The following BAAT variants were observed in gnomAD, a reference collection of about 807,000 sequenced individuals.
The protein encoded by BAAT is bile acid CoA: amino acid N-acyltransferase (glycine N-choloyltransferase).
In BAAT, 13 loss-of-function variants were observed where a neutral mutation model predicts 18.9. The observed-to-expected ratio is 0.69, with a 90% CI of 0.45 to 1.10. The LOEUF (loss-of-function observed/expected upper bound fraction) is 1.10, where lower values mean the gene tolerates loss of function less well. BAAT is among the 50% of genes least tolerant of loss of function. The pLI is 0.00. For missense variants in BAAT, 489 were observed against 504.0 expected, an observed-to-expected ratio of 0.97 and a Z score of 0.28; for synonymous variants, 170 against 190.7, an observed-to-expected ratio of 0.89 and a Z score of 0.89.
At chr9:101,383,827 C>G (rs1191561913) in intron 1 of BAAT, among the ~76,000 whole-genome samples, 1 of 152,132 alleles carries the variant, frequency 6.6e-6, no homozygotes, top group Non-Finnish European at 1.5e-5. Flanking sequence ...ATAAAATACT[C>G]AAGGTAACTT....
At chr9:101,371,985 T>C (rs1829955639) in intron 1 of BAAT, among the ~76,000 whole-genome samples, 1 of 151,822 alleles carries the variant, frequency 6.6e-6, no homozygotes, top group Non-Finnish European at 1.5e-5. Context: ...CATGAAAAAA[T>C]GAAACCATGT....
At position 101,375,347 on chromosome 9, in the gene BAAT, A is replaced by G. The variant is rs191025612; in HGVS notation, c.-59-3884T>C. Reference sequence around the variant, plus strand: ...TTATTAGCAGTGTGTGAACAGACTAATACAGTTACAAAGCAGCTTCCTCCT... The same window carrying G: ...TTATTAGCAGTGTGTGAACAGACTAGTACAGTTACAAAGCAGCTTCCTCCT... On this transcript the variant is annotated intron_variant, in intron 1 of 3. Coordinates refer to ENST00000259407, the MANE Select transcript of BAAT (RefSeq NM_001701.4). The G allele has an allele frequency of 3.3e-5, 6 of 181,552 alleles. No homozygotes were observed. In the Admixed American group the frequency reaches 3.5e-4, roughly 11 times the overall value. The allele number at this position is 181,552 out of a possible 1,614,324, so 11.2% of individuals were successfully genotyped here.
chr9:101,374,164 A>G (rs1207614322), intron 1 of BAAT, among the ~76,000 whole-genome samples: 1 of 152,184 alleles, frequency 6.6e-6, no homozygotes, highest in African/African-American at 2.4e-5. Context: ...TCAAGACTAC[A>G]CTAAATCCAA....
chr9:101,370,468 C>A (rs1310586153), intron 2 of BAAT, among the ~76,000 whole-genome samples: 2 of 151,782 alleles, frequency 1.3e-5, no homozygotes, highest in African/African-American at 4.8e-5. Flanking sequence ...GTGCCTGCTA[C>A]CACACCCAGC....
intron 1 of BAAT, among the ~76,000 whole-genome samples, chr9:101,382,822 A>C (rs1422758921): frequency 6.6e-6 from 1 of 152,220 alleles, no homozygotes; most frequent in Non-Finnish European, 1.5e-5. Context: ...CAGCGTGCCC[A>C]AACAGAAATA....
chr9:101,369,545 T>C (rs1829891966), intron 2 of BAAT, among the ~76,000 whole-genome samples: 2 of 152,112 alleles, frequency 1.3e-5, no homozygotes, highest in Admixed American at 6.6e-5. Flanking sequence ...ACATGCAGTG[T>C]TCAAGAGGAT....
At chr9:101,383,767 GA>G (rs1830164433) in intron 1 of BAAT, among the ~76,000 whole-genome samples, 1 of 152,056 alleles carries the variant, frequency 6.6e-6, no homozygotes, top group African/African-American at 2.4e-5. Context: ...TTTCTTTATA[GA>G]AGTTGTTTGA....
At chr9:101,371,498 A>C in intron 1 of BAAT, 35 bp from the exon 2 acceptor site, 2 of 1,242,322 alleles carry the variant, frequency 1.6e-6, no homozygotes. Context: ...AGTAAAATAA[A>C]GTAGAGATAA....
intron 3 of BAAT, 35 bp from the exon 4 acceptor site, chr9:101,363,050 G>C: frequency 1.3e-6 from 2 of 1,584,290 alleles, no homozygotes; most frequent in East Asian, 2.2e-5. Context: ...AATTATTCTA[G>C]CCTTCATTTA....
chr9:101,379,547 A>G (rs1471826270), intron 1 of BAAT, among the ~76,000 whole-genome samples: 4 of 152,222 alleles, frequency 2.6e-5, no homozygotes, highest in Non-Finnish European at 5.9e-5. Context: ...AATGAGACTA[A>G]AATTCATTTT....
At position 101,362,048 on chromosome 9, in the gene BAAT, T is replaced by C. The variant is rs1457351933; in HGVS notation, c.*380A>G. On this transcript the variant is annotated 3_prime_UTR_variant, in exon 4 of 4. Coordinates refer to ENST00000259407, the MANE Select transcript of BAAT (RefSeq NM_001701.4). ...TTAATTTTCTCCTGCTGCTCTAATC[T>C]GATAAATTCTTACTATATAGTGTTT... 4.3e-6 allele frequency: 1 copy of C among 231,436 alleles called. No homozygotes were observed. Among genetic ancestry groups the C allele is most frequent in the Admixed American group, 5.1e-5 (1 of 19,544 alleles). 14.3% of individuals were successfully genotyped at this position (231,436 alleles called of 1,614,324 possible).
In BAAT at chr9:101,362,420, T is replaced by C; in HGVS notation, c.*8A>G. 1.9e-6 allele frequency: 3 copies of C among 1,612,068 alleles called. No homozygotes were observed. The highest frequency in any genetic ancestry group is 2.2e-5 in the South Asian group (2 of 91,028). ...TGCTTCTTTATTTTCTAGGAATATC[T>C]AGTCTTCTTAGAGTTGACTGGTCAC... On this transcript the variant is annotated 3_prime_UTR_variant, in exon 4 of 4. Coordinates refer to ENST00000259407, the MANE Select transcript of BAAT (RefSeq NM_001701.4).
chr9:101,367,375 T>A (rs1181657868), intron 3 of BAAT, among the ~76,000 whole-genome samples: 1 of 152,168 alleles, frequency 6.6e-6, no homozygotes, highest in African/African-American at 2.4e-5. Flanking sequence ...AGTTAATAAT[T>A]AGAGCTATAA....
At chr9:101,363,170 T>C (rs1231594947) in intron 3 of BAAT, among the ~76,000 whole-genome samples, 155 bp from the exon 4 acceptor site, 2 of 152,190 alleles carry the variant, frequency 1.3e-5, no homozygotes, top group East Asian at 1.9e-4. Flanking sequence ...ATATATAATA[T>C]GTATTCAAAA....
chr9:101,368,844 C>T (rs1829877877), intron 2 of BAAT, among the ~76,000 whole-genome samples: 1 of 152,102 alleles, frequency 6.6e-6, no homozygotes, highest in African/African-American at 2.4e-5. Context: ...ATGAGAGGTT[C>T]CACAGATTTA....
chr9:101,368,086 A>G (rs1829863059), intron 3 of BAAT, 34 bp downstream of exon 3: 1 of 1,587,292 alleles, frequency 6.3e-7, no homozygotes, highest in South Asian at 1.1e-5. Flanking sequence ...AAAAAACCCC[A>G]GGGACTCAAA....
intron 1 of BAAT, among the ~76,000 whole-genome samples, chr9:101,371,845 T>C (rs1043855053): frequency 5.3e-5 from 8 of 152,088 alleles, no homozygotes; most frequent in Non-Finnish European, 1.0e-4. Flanking sequence ...CGTTTATATA[T>C]ATATGAGACA....
intron 2 of BAAT, among the ~76,000 whole-genome samples, chr9:101,369,258 A>T (rs2417252): frequency 0.18 from 27,067 of 152,168 alleles, 2,857 homozygotes; most frequent in African/African-American, 0.28. Flanking sequence ...GGGAATTTTT[A>T]AAAATTACTA....
intron 1 of BAAT, among the ~76,000 whole-genome samples, chr9:101,381,534 C>T (rs920854568): frequency 2.6e-5 from 4 of 152,124 alleles, no homozygotes; most frequent in Admixed American, 6.5e-5. Flanking sequence ...GAAATCCTAT[C>T]TCTAAAATAA....
Sources: allele counts gnomAD v4.1 joint callset (sites outside exome capture counted in the v4.1 genomes callset), GRCh38; gene constraint gnomAD v4.1.1; transcripts MANE v1.5; gene names NCBI Gene and HGNC (gene_info 2026-07-23, HGNC 2026-07-21).